Variants in UGT1A8 observed in about 807,000 individuals in gnomAD.
The protein encoded by UGT1A8 is UDP-glucuronosyltransferase 1A8.
In UGT1A8, 39 loss-of-function variants were observed where a neutral mutation model predicts 45.3. The observed-to-expected ratio is 0.86, with a 90% CI of 0.67 to 1.12. UGT1A8 has a LOEUF of 1.12. Among genes scored for constraint, UGT1A8 ranks in the 50% most tolerant of loss-of-function variants. The probability of loss-of-function intolerance (pLI) is 0.00; values close to 1 mark genes in which losing one functional copy is unlikely to be tolerated. For synonymous variants in UGT1A8, 275 were observed against 249.2 expected (o/e 1.10, Z -0.97); for missense variants, 719 against 664.9 (o/e 1.08, Z -0.90).
chr2:233,669,577 A>ATT (rs2074140450), intron 1 of UGT1A8, among the ~76,000 whole-genome samples: 1 of 152,018 alleles, frequency 6.6e-6, no homozygotes, highest in East Asian at 1.9e-4. Context: ...TTTCATTCCA[A>ATT]TTTTCAATTG....
intron 1 of UGT1A8, chr2:233,713,781 G>C (rs1363495958): frequency 1.2e-6 from 2 of 1,613,986 alleles, no homozygotes; most frequent in Non-Finnish European, 1.7e-6. Context: ...CTTTGTGATG[G>C]ATTACCCCAG....
intron 1 of UGT1A8, chr2:233,740,667 G>T (rs567869462): frequency 6.6e-6 from 1 of 151,914 alleles, no homozygotes; most frequent in East Asian, 1.9e-4. Flanking sequence ...AGAAGGTACA[G>T]GTGTTTCCAT....
At chr2:233,729,001 C>A in intron 1 of UGT1A8, 4 of 1,564,656 alleles carry the variant, frequency 2.6e-6, no homozygotes, top group Non-Finnish European at 3.5e-6. Flanking sequence ...TAGAGGAGGG[C>A]ACTCTGTCTT....
At chr2:233,633,118 A>G (rs2073221321) in intron 1 of UGT1A8, among the ~76,000 whole-genome samples, 1 of 152,056 alleles carries the variant, frequency 6.6e-6, no homozygotes, top group South Asian at 2.1e-4. Context: ...ATGTTTATTG[A>G]TTTGTGTATG....
intron 1 of UGT1A8, among the ~76,000 whole-genome samples, chr2:233,761,459 C>T (rs974462920): frequency 3.9e-5 from 6 of 152,156 alleles, no homozygotes; most frequent in African/African-American, 1.4e-4. Context: ...TTTGGGGCAC[C>T]CTGCAGAAAA....
intron 1 of UGT1A8, among the ~76,000 whole-genome samples, chr2:233,722,639 G>C (rs1429567836): frequency 2.0e-5 from 3 of 152,192 alleles, no homozygotes; most frequent in South Asian, 2.1e-4. Flanking sequence ...TTGAGGGCTC[G>C]AGTAAAAGAT....
At chr2:233,672,479 A>G (rs201310933) in intron 1 of UGT1A8, 3 of 1,613,836 alleles carry the variant, frequency 1.9e-6, no homozygotes, top group African/African-American at 1.3e-5. Flanking sequence ...GAAGGTGCAC[A>G]GTGCCCTGCT....
chr2:233,649,763 T>C (rs879798564), intron 1 of UGT1A8, among the ~76,000 whole-genome samples: 6 of 152,206 alleles, frequency 3.9e-5, no homozygotes, highest in Non-Finnish European at 7.3e-5. Flanking sequence ...TCTTTGACCC[T>C]GAAGAAAGTA....
intron 4 of UGT1A8, 146 bp downstream of exon 4, chr2:233,768,585 T>C (rs35500060): frequency 1.2e-4 from 36 of 308,386 alleles, no homozygotes; most frequent in Middle Eastern, 1.5e-3. Context: ...ATTTCTTCTT[T>C]TTTTTTTTTT....
chr2:233,734,579 T>C (rs1163010771), intron 1 of UGT1A8, among the ~76,000 whole-genome samples: 20 of 152,230 alleles, frequency 1.3e-4, no homozygotes, highest in Non-Finnish European at 2.9e-5. Context: ...TTGCTCTTGC[T>C]TATCTAGTTC....
intron 1 of UGT1A8, among the ~76,000 whole-genome samples, chr2:233,737,027 C>T (rs2078835915): frequency 6.6e-6 from 1 of 152,230 alleles, no homozygotes; most frequent in South Asian, 2.1e-4. Flanking sequence ...TCTGTCCATT[C>T]TCAGAGCTCA....
intron 1 of UGT1A8, among the ~76,000 whole-genome samples, chr2:233,667,781 AT>A (rs1442473144): frequency 6.6e-6 from 1 of 152,242 alleles, no homozygotes; most frequent in African/African-American, 2.4e-5. Flanking sequence ...ACATGAAAAA[AT>A]GCTCATCATC....
At chr2:233,619,768 T>A (rs971867327) in intron 1 of UGT1A8, among the ~76,000 whole-genome samples, 3 of 152,226 alleles carry the variant, frequency 2.0e-5, no homozygotes, top group African/African-American at 4.8e-5. Flanking sequence ...TACTAACTTT[T>A]CTTATTATTT....
At chr2:233,668,034 T>A (rs2074112322) in intron 1 of UGT1A8, among the ~76,000 whole-genome samples, 1 of 149,554 alleles carries the variant, frequency 6.7e-6, no homozygotes, top group African/African-American at 2.5e-5. Context: ...TTTCCCCTAT[T>A]GCTAAATGTT....
intron 1 of UGT1A8, among the ~76,000 whole-genome samples, chr2:233,757,460 G>A (rs34757826): frequency 4.7e-5 from 7 of 149,338 alleles, no homozygotes; most frequent in Non-Finnish European, 7.4e-5. Context: ...TGTCCAGAGC[G>A]CTTACTGTCT....
At chr2:233,692,833 A>G (rs2075116661) in intron 1 of UGT1A8, 2 of 1,445,564 alleles carry the variant, frequency 1.4e-6, no homozygotes, top group Non-Finnish European at 1.8e-6. Context: ...TGTGATTAAA[A>G]TGGTTAAATA....
At chr2:233,770,330 A>G (rs757778787) in intron 4 of UGT1A8, 1 of 152,126 alleles carries the variant, frequency 6.6e-6, no homozygotes, top group East Asian at 1.9e-4. Flanking sequence ...ACCAGGCCAT[A>G]ATAGGTGCTC....
At chr2:233,718,098 A>C (rs577744512) in intron 1 of UGT1A8, 1 of 327,190 alleles carries the variant, frequency 3.1e-6, no homozygotes, top group East Asian at 7.5e-5. Flanking sequence ...TGTGTGCTTT[A>C]GACAGCAGCA....
rs570585293 is a variant in UGT1A8 at position 233,691,036 on chromosome 2, C to T, written c.855+72474C>T. The T allele has an allele frequency of 6.3e-5, 62 of 989,684 alleles. No individual in the cohort carries two copies. In the African/African-American group the frequency reaches 7.5e-4, roughly 12 times the overall value. The allele number at this position is 989,684 out of a possible 1,614,324, so 61.3% of individuals were successfully genotyped here. A position where few individuals can be genotyped will look rare whatever the true frequency, so the allele number is the denominator to read the frequency against. ...CTGTGGTTGGAAGGGCTCAGACCAA[C>T]GTCCACAGCAGAGTGGAGGTCTAGT... is the stretch of plus-strand genomic sequence containing the variant. On this transcript the variant is annotated intron_variant, in intron 1 of 4. Transcript: ENST00000373450.
Sources: gnomAD v4.1 joint callset for allele counts (sites outside exome capture counted in the v4.1 genomes callset) on GRCh38, gnomAD v4.1.1 for gene constraint, MANE v1.5 for transcripts, NCBI Gene and HGNC (gene_info 2026-07-23, HGNC 2026-07-21) for gene names.